Variants in ADAMTS19 observed in about 807,000 individuals in gnomAD.
ADAMTS19 encodes the protein ADAM metallopeptidase with thrombospondin type 1 motif 19, also known as A disintegrin and metalloproteinase with thrombospondin motifs 19.
ADAMTS19 carries 93 observed loss-of-function variants against 153.3 expected under a neutral mutation model. That is an observed-to-expected ratio of 0.61 (90% CI 0.51 to 0.72). ADAMTS19 has a LOEUF of 0.72. Ranked by LOEUF, ADAMTS19 falls within the 30% of genes least tolerant of loss-of-function variation. The probability of loss-of-function intolerance (pLI) is 0.00; values close to 1 mark genes in which losing one functional copy is unlikely to be tolerated. For synonymous variants in ADAMTS19, 600 were observed against 556.6 expected, an observed-to-expected ratio of 1.08 and a Z score of -1.10; for missense variants, 1,482 against 1,552.1, an observed-to-expected ratio of 0.95 and a Z score of 0.76.
intron 9 of ADAMTS19, 36 bp from the exon 10 acceptor site, chr5:129,622,162 A>G: frequency 6.2e-7 from 1 of 1,612,714 alleles, no homozygotes; most frequent in Non-Finnish European, 8.5e-7. Context: ...TTTTTACATT[A>G]AATTCAAAAG....
At chr5:129,638,576 T>TACACAC (rs200992336) in intron 10 of ADAMTS19, among the ~76,000 whole-genome samples, 19 of 75,804 alleles carry the variant, frequency 2.5e-4, no homozygotes, top group African/African-American at 1.1e-3. Context: ...CACACACACA[T>TACACAC]ACACACACAC....
At chr5:129,542,102 A>G (rs1040279735) in intron 6 of ADAMTS19, among the ~76,000 whole-genome samples, 30 of 152,248 alleles carry the variant, frequency 2.0e-4, no homozygotes, top group African/African-American at 7.0e-4. Flanking sequence ...AAGTTGAGCA[A>G]CAGAAGAAAT....
chr5:129,726,096 T>C (rs1165539462), intron 21 of ADAMTS19, among the ~76,000 whole-genome samples: 2 of 152,134 alleles, frequency 1.3e-5, no homozygotes, highest in African/African-American at 4.8e-5. Context: ...TTGTAAGCAA[T>C]TTTCTAAGCT....
chr5:129,662,017 T>C (rs17163173), intron 15 of ADAMTS19, among the ~76,000 whole-genome samples: 3 of 152,124 alleles, frequency 2.0e-5, no homozygotes, highest in Admixed American at 6.5e-5. Context: ...AATGCAGTGT[T>C]GGAAAGTGTT....
chr5:129,562,584 A>G lies in ADAMTS19; in HGVS notation c.1372+10677A>G, dbSNP rs564599130. The stretch of plus-strand genomic sequence containing the variant: ...AACCCTCTTTGAGCAATTCTGCCAT[A>G]AGCTGAGAATGATTGATAATCAATG... On this transcript the variant is annotated intron_variant, in intron 7 of 22. Transcript: ENST00000274487. Among the ~76,000 whole-genome samples, 18 of 152,272 alleles carry G rather than the reference A, an allele frequency of 1.2e-4. No homozygotes were observed. In the South Asian group the frequency reaches 3.7e-3, roughly 32 times the overall value.
At chr5:129,501,699 T>G (rs1751112925) in intron 2 of ADAMTS19, among the ~76,000 whole-genome samples, 1 of 152,122 alleles carries the variant, frequency 6.6e-6, no homozygotes, top group Non-Finnish European at 1.5e-5. Context: ...GAAGCTGACT[T>G]ATTTTTTTTC....
At chr5:129,561,505 T>C (rs1203443973) in intron 7 of ADAMTS19, among the ~76,000 whole-genome samples, 14 of 146,598 alleles carry the variant, frequency 9.5e-5, no homozygotes, top group Admixed American at 2.8e-4. Flanking sequence ...GTCCGCAGTC[T>C]GGCCTGGGTG....
At chr5:129,696,412 TA>T (rs1228025341) in intron 19 of ADAMTS19, among the ~76,000 whole-genome samples, 1 of 152,084 alleles carries the variant, frequency 6.6e-6, no homozygotes, top group Non-Finnish European at 1.5e-5. Context: ...AAACTACATC[TA>T]AAAAAAGAAT....
In ADAMTS19 at chr5:129,581,750, A is replaced by G. The variant is rs531748312; in HGVS notation, c.1373-14809A>G. On this transcript the variant is annotated intron_variant, in intron 7 of 22. Coordinates refer to ENST00000274487, the MANE Select transcript of ADAMTS19 (RefSeq NM_133638.6). The stretch of plus-strand genomic sequence containing the variant: ...CTGCTGTGGACATTTAGCGCTATAA[A>G]TTTCCCTCTAAATACTGCTTTAGCT... Among the ~76,000 whole-genome samples, 9 of 152,206 alleles carry G rather than the reference A, an allele frequency of 5.9e-5. No homozygotes were observed. The South Asian group carries it at 1.9e-3, about 32-fold the overall frequency.
At position 129,643,618 on chromosome 5, in the gene ADAMTS19, A is replaced by C. The variant is rs781306293; in HGVS notation, c.1872+1658A>C. On this transcript the variant is annotated intron_variant, in intron 11 of 22. Coordinates refer to ENST00000274487, the MANE Select transcript of ADAMTS19 (RefSeq NM_133638.6). ...AAAAATGTACAAATTGTTTAAATCC[A>C]AACTATTTTTGAAAAAAAACTAGAA... 1.0e-3 allele frequency among the ~76,000 whole-genome samples: 153 copies of C among 152,292 alleles called. 4 individuals carry two copies. The highest frequency in any genetic ancestry group is 1.3e-3 in the Admixed American group (20 of 15,304).
chr5:129,697,917 G>A (rs1755636044), intron 19 of ADAMTS19, among the ~76,000 whole-genome samples: 1 of 152,168 alleles, frequency 6.6e-6, no homozygotes. Flanking sequence ...AAGAGCCATG[G>A]CTTTTTCTGA....
At chr5:129,564,880 T>A (rs1394057421) in intron 7 of ADAMTS19, among the ~76,000 whole-genome samples, 2 of 152,130 alleles carry the variant, frequency 1.3e-5, no homozygotes, top group Admixed American at 6.5e-5. Flanking sequence ...GGCATGACAT[T>A]AGCTTTGAAA....
At chr5:129,656,227 GAATTA>G (rs1753542113) in intron 14 of ADAMTS19, among the ~76,000 whole-genome samples, 1 of 152,100 alleles carries the variant, frequency 6.6e-6, no homozygotes, top group Non-Finnish European at 1.5e-5. Flanking sequence ...AATTAAATTA[GAATTA>G]TTTGAAATGG....
At chr5:129,720,688 G>A (rs1438580531) in intron 21 of ADAMTS19, among the ~76,000 whole-genome samples, 1 of 152,186 alleles carries the variant, frequency 6.6e-6, no homozygotes, top group Non-Finnish European at 1.5e-5. Context: ...AGAGCCCATG[G>A]AGTGCAGAAG....
intron 2 of ADAMTS19, among the ~76,000 whole-genome samples, chr5:129,493,643 C>T (rs1581005049): frequency 1.3e-5 from 2 of 152,232 alleles, no homozygotes; most frequent in African/African-American, 4.8e-5. Flanking sequence ...TTTGACTCTA[C>T]CTGTTCAATA....
chr5:129,711,797 A>G (rs1043941627), intron 21 of ADAMTS19, among the ~76,000 whole-genome samples: 2 of 152,178 alleles, frequency 1.3e-5, no homozygotes, highest in African/African-American at 4.8e-5. Context: ...AGAAAATCAA[A>G]TATCTTTGCT....
intron 6 of ADAMTS19, among the ~76,000 whole-genome samples, chr5:129,540,172 T>C (rs1752608181): frequency 6.6e-6 from 1 of 152,084 alleles, no homozygotes; most frequent in Admixed American, 6.6e-5. Flanking sequence ...TAAATGCTCA[T>C]CGTAGATAAC....
chr5:129,558,271 T>C (rs1388848021), intron 7 of ADAMTS19, among the ~76,000 whole-genome samples: 9 of 152,030 alleles, frequency 5.9e-5, no homozygotes, highest in Admixed American at 5.2e-4. Context: ...ATTATCTACA[T>C]AAAGAAAAAA....
intron 10 of ADAMTS19, among the ~76,000 whole-genome samples, chr5:129,637,773 A>AG (rs1484033313): frequency 2.0e-5 from 3 of 152,154 alleles, no homozygotes; most frequent in Non-Finnish European, 2.9e-5. Flanking sequence ...TGAACCCGGG[A>AG]GGTGAAGGTT....
Sources: allele counts gnomAD v4.1 joint callset (sites outside exome capture counted in the v4.1 genomes callset), GRCh38; gene constraint gnomAD v4.1.1; transcripts MANE v1.5; gene names NCBI Gene and HGNC (gene_info 2026-07-23, HGNC 2026-07-21).